The following CPVL variants were observed in gnomAD, a reference collection of about 807,000 sequenced individuals.
CPVL encodes carboxypeptidase vitellogenic like.
A neutral mutation model predicts 63.7 loss-of-function variants in CPVL; 51 were observed. The ratio of observed to expected loss-of-function variants is 0.80; its 90% CI spans 0.64 to 1.01. The LOEUF (loss-of-function observed/expected upper bound fraction) is 1.01. Ranked by LOEUF, CPVL falls within the 50% of genes least tolerant of loss-of-function variation. The probability of loss-of-function intolerance (pLI) is 0.00; values close to 1 mark genes in which losing one functional copy is unlikely to be tolerated. For synonymous variants in CPVL, 195 were observed against 206.0 expected, an observed-to-expected ratio of 0.95 and a Z score of 0.46; for missense variants, 530 against 573.1, an observed-to-expected ratio of 0.92 and a Z score of 0.77.
intron 1 of CPVL, among the ~76,000 whole-genome samples, chr7:29,125,945 T>G (rs1789974244): frequency 6.6e-6 from 1 of 152,216 alleles, no homozygotes; most frequent in African/African-American, 2.4e-5. Flanking sequence ...CAGTAACTTC[T>G]CTGGGTCCCA....
At position 29,163,058 on chromosome 7, in the gene CPVL, G is replaced by T. The variant is rs73688310; in HGVS notation, c.-11+18232C>A. ...ATAATGAACTATAGTTATGTAAAAC[G>T]TTACCATGGGTTGATGGATTCATGG... On this transcript the variant is annotated intron_variant, in intron 5 of 16. Coordinates refer to the CPVL transcript ENST00000409850. Among the ~76,000 whole-genome samples the T allele has an allele frequency of 1.1e-4, 17 of 152,110 alleles. No individual in the cohort carries two copies. The East Asian group carries it at 3.1e-3, about 28-fold the overall frequency.
intron 12 of CPVL, among the ~76,000 whole-genome samples, chr7:29,008,233 G>A (rs532492156): frequency 1.3e-5 from 2 of 152,256 alleles, no homozygotes; most frequent in African/African-American, 4.8e-5. Context: ...GAGGGAGAGG[G>A]TAAGAGTTAA....
chr7:29,140,478 T>C (rs1037277564), intron 1 of CPVL, among the ~76,000 whole-genome samples: 9 of 152,172 alleles, frequency 5.9e-5, no homozygotes, highest in African/African-American at 2.2e-4. Flanking sequence ...AAGAGAGACA[T>C]GCATGAAAAC....
At chr7:29,072,705 T>C (rs1408044203) in intron 7 of CPVL, among the ~76,000 whole-genome samples, 1 of 152,102 alleles carries the variant, frequency 6.6e-6, no homozygotes, top group Non-Finnish European at 1.5e-5. Flanking sequence ...CAAAATAAAA[T>C]AACTTGGGAG....
intron 12 of CPVL, among the ~76,000 whole-genome samples, chr7:28,996,716 T>G (rs561288632): frequency 6.6e-6 from 1 of 152,190 alleles, no homozygotes; most frequent in South Asian, 2.1e-4. Flanking sequence ...TTTTGAGTCA[T>G]GAACTTTCAC....
intron 1 of CPVL, among the ~76,000 whole-genome samples, chr7:29,187,085 A>T (rs924929655): frequency 6.6e-6 from 1 of 152,128 alleles, no homozygotes; most frequent in Non-Finnish European, 1.5e-5. Flanking sequence ...ACTTAAGGAG[A>T]GTGACTTTTC....
At chr7:29,187,583 G>T (rs972374167) in intron 1 of CPVL, among the ~76,000 whole-genome samples, 1 of 152,006 alleles carries the variant, frequency 6.6e-6, no homozygotes, top group Admixed American at 6.6e-5. Flanking sequence ...AATTAGCTGG[G>T]TGTTGTGGTG....
intron 12 of CPVL, among the ~76,000 whole-genome samples, chr7:29,022,363 G>A (rs939317409): frequency 2.0e-5 from 3 of 152,170 alleles, no homozygotes; most frequent in Non-Finnish European, 2.9e-5. Context: ...ACTGCCACTG[G>A]TGCCCACATA....
At chr7:29,094,620 G>A (rs1307490508) in intron 5 of CPVL, among the ~76,000 whole-genome samples, 1 of 152,160 alleles carries the variant, frequency 6.6e-6, no homozygotes, top group African/African-American at 2.4e-5. Flanking sequence ...GCCAAGGCAG[G>A]TGGATCACCT....
At chr7:29,116,825 T>C (rs1788816328) in intron 2 of CPVL, among the ~76,000 whole-genome samples, 1 of 152,224 alleles carries the variant, frequency 6.6e-6, no homozygotes, top group Non-Finnish European at 1.5e-5. Flanking sequence ...TACAATTACA[T>C]AAAACTAAGC....
chr7:29,135,175 G>A (rs1791077084), intron 1 of CPVL, among the ~76,000 whole-genome samples: 1 of 151,026 alleles, frequency 6.6e-6, no homozygotes, highest in African/African-American at 2.4e-5. Context: ...CAGAGGTATA[G>A]ATATGATTTT....
chr7:29,154,526 C>G (rs1416971842), intron 5 of CPVL, among the ~76,000 whole-genome samples: 1 of 152,086 alleles, frequency 6.6e-6, no homozygotes, highest in African/African-American at 2.4e-5. Flanking sequence ...CACACCTGAT[C>G]GATATTTAAA....
chr7:29,194,651 G>A (rs913886373), intron 1 of CPVL: 9 of 325,946 alleles, frequency 2.8e-5, no homozygotes, highest in Non-Finnish European at 3.3e-5. Flanking sequence ...AGATCCGCCC[G>A]TCCCGGCTGC....
At chr7:29,073,878 G>T (rs1312734224) in intron 7 of CPVL, among the ~76,000 whole-genome samples, 2 of 152,152 alleles carry the variant, frequency 1.3e-5, no homozygotes, top group East Asian at 3.8e-4. Context: ...ATCTTAAAAT[G>T]AATCTACAGA....
intron 12 of CPVL, among the ~76,000 whole-genome samples, chr7:29,004,880 GT>G (rs1349686178): frequency 1.3e-5 from 2 of 150,442 alleles, no homozygotes; most frequent in Non-Finnish European, 3.0e-5. Flanking sequence ...CTACAAATAT[GT>G]CTTTTTTTTC....
chr7:29,086,497 T>C lies in CPVL; in HGVS notation c.596A>G (p.Tyr199Cys). ...ACTTCTACTTACCTCCCCAGTGACA[T>C]AAAAGTCATTATTTTTATATTCAGG... Reference protein sequence around the residue: ...IFPEYKNNDFYVTGESYAGKY... With the variant: ...IFPEYKNNDFCVTGESYAGKY... The change falls in exon 7 of 13, where the codon TAT (tyrosine) becomes TGT (cysteine). Residue 199 changes from tyrosine to cysteine, a missense_variant. Physicochemically the swap from Tyr to Cys is radical, Grantham distance 194. Coordinates refer to ENST00000265394, the MANE Select transcript of CPVL (RefSeq NM_031311.5). 6.2e-7 allele frequency: 1 copy of C among 1,611,846 alleles called. No homozygotes were observed. Among genetic ancestry groups the C allele is most frequent in the Middle Eastern group, 1.7e-4 (1 of 6,052 alleles).
At chr7:29,048,729 T>C (rs1789865036) in intron 11 of CPVL, among the ~76,000 whole-genome samples, 1 of 152,138 alleles carries the variant, frequency 6.6e-6, no homozygotes. Context: ...ACACATTCTA[T>C]TCAACAGCAC....
At chr7:28,996,673 T>C (rs544444945) in intron 12 of CPVL, among the ~76,000 whole-genome samples, 24 of 152,152 alleles carry the variant, frequency 1.6e-4, no homozygotes, top group African/African-American at 4.3e-4. Flanking sequence ...TTTTAAAACA[T>C]AGCAAATTCG....
chr7:29,095,013 T>A (rs1285896555), intron 5 of CPVL, 71 bp downstream of exon 5: 6 of 1,116,550 alleles, frequency 5.4e-6, no homozygotes, highest in Non-Finnish European at 8.1e-6. Context: ...TTAAATGTAC[T>A]TAATAAAAAG....
Sources: allele counts gnomAD v4.1 joint callset (sites outside exome capture counted in the v4.1 genomes callset), GRCh38; gene constraint gnomAD v4.1.1; transcripts MANE v1.5; gene names NCBI Gene and HGNC (gene_info 2026-07-23, HGNC 2026-07-21).